The following BMPER variants were observed in gnomAD, a reference collection of about 807,000 sequenced individuals.
BMPER encodes BMP binding endothelial regulator, also known as BMP-binding endothelial regulator protein.
A neutral mutation model predicts 87.3 loss-of-function variants in BMPER; 45 were observed. The observed-to-expected ratio is 0.52, with a 90% confidence interval of 0.41 to 0.66. BMPER has a LOEUF of 0.66. BMPER is among the 30% of genes least tolerant of loss of function. BMPER has a pLI of 0.00. For synonymous variants in BMPER, 326 were observed against 316.2 expected (o/e 1.03, Z -0.33); for missense variants, 784 against 867.5 (o/e 0.90, Z 1.21).
At chr7:34,102,947 G>C (rs1789721341) in intron 13 of BMPER, among the ~76,000 whole-genome samples, 1 of 152,176 alleles carries the variant, frequency 6.6e-6, no homozygotes, top group African/African-American at 2.4e-5. Context: ...GAGGTGCCCT[G>C]TAAGCTGAGA....
chr7:34,074,139 G>A (rs1357217983), intron 11 of BMPER, among the ~76,000 whole-genome samples: 1 of 152,250 alleles, frequency 6.6e-6, no homozygotes, highest in African/African-American at 2.4e-5. Flanking sequence ...ATTTAACAAT[G>A]TACCTACACA....
At chr7:33,999,679 A>G (rs546391764) in intron 6 of BMPER, among the ~76,000 whole-genome samples, 1 of 152,322 alleles carries the variant, frequency 6.6e-6, no homozygotes, top group Non-Finnish European at 1.5e-5. Flanking sequence ...TTGGCTGCTC[A>G]GTTTCTGACC....
chr7:33,937,550 G>A (rs1585655089), intron 3 of BMPER, 162 bp downstream of exon 3: 6 of 568,636 alleles, frequency 1.1e-5, no homozygotes, highest in South Asian at 2.2e-5. Context: ...GTGTGTGTTT[G>A]TGTGTATGTG....
intron 14 of BMPER, among the ~76,000 whole-genome samples, chr7:34,148,791 A>G (rs375127064): frequency 6.6e-6 from 1 of 152,164 alleles, no homozygotes; most frequent in Non-Finnish European, 1.5e-5. Context: ...ATAGCTATAG[A>G]ATAGTCAGGG....
intron 12 of BMPER, among the ~76,000 whole-genome samples, chr7:34,081,119 AT>A (rs1189436023): frequency 6.6e-6 from 1 of 152,180 alleles, no homozygotes; most frequent in Non-Finnish European, 1.5e-5. Context: ...GAAGAATTCT[AT>A]TCCTCTGGGC....
At chr7:33,955,652 A>G (rs1398135553) in intron 3 of BMPER, among the ~76,000 whole-genome samples, 1 of 152,220 alleles carries the variant, frequency 6.6e-6, no homozygotes, top group East Asian at 1.9e-4. Context: ...ATTTCCATAT[A>G]AGTAATTTTT....
intron 13 of BMPER, among the ~76,000 whole-genome samples, chr7:34,109,371 C>T (rs1789903325): frequency 6.6e-6 from 1 of 152,214 alleles, no homozygotes; most frequent in Non-Finnish European, 1.5e-5. Context: ...ACCTGCTTTA[C>T]TCAGTCTACC....
intron 3 of BMPER, among the ~76,000 whole-genome samples, chr7:33,958,406 T>A (rs769953183): frequency 6.6e-6 from 1 of 152,228 alleles, no homozygotes; most frequent in Non-Finnish European, 1.5e-5. Context: ...GCATAGTTGG[T>A]AGCCAAATGT....
chr7:33,967,355 A>G (rs1372252842), intron 4 of BMPER, among the ~76,000 whole-genome samples: 7 of 152,250 alleles, frequency 4.6e-5, no homozygotes, highest in African/African-American at 1.7e-4. Context: ...TTTTGCATTT[A>G]AAGGAAATTG....
intron 13 of BMPER, among the ~76,000 whole-genome samples, chr7:34,119,326 T>C (rs1333607644): frequency 6.6e-6 from 1 of 151,982 alleles, no homozygotes; most frequent in Non-Finnish European, 1.5e-5. Flanking sequence ...AACACCAACA[T>C]TTTTTTTACA....
intron 2 of BMPER, among the ~76,000 whole-genome samples, chr7:33,923,330 C>G (rs564770293): frequency 6.6e-6 from 1 of 152,196 alleles, no homozygotes; most frequent in Admixed American, 6.5e-5. Context: ...CACACACACC[C>G]GTCTGTAATA....
chr7:34,074,975 G>T (rs1270449536), intron 11 of BMPER, among the ~76,000 whole-genome samples: 1 of 151,936 alleles, frequency 6.6e-6, no homozygotes, highest in Non-Finnish European at 1.5e-5. Context: ...GTTGTGTTTG[G>T]GGGGAGTAGG....
chr7:34,011,578 C>T (rs1409198096), intron 6 of BMPER, among the ~76,000 whole-genome samples: 1 of 67,430 alleles, frequency 1.5e-5, no homozygotes, highest in Non-Finnish European at 2.6e-5. Context: ...TTCAGTTGGT[C>T]AGGGCAAAAA....
chr7:33,957,149 T>C (rs1452808073), intron 3 of BMPER, among the ~76,000 whole-genome samples: 5 of 152,014 alleles, frequency 3.3e-5, no homozygotes, highest in African/African-American at 4.8e-5. Context: ...GATGAATAAA[T>C]GTTCATCACA....
chr7:34,099,360 T>C lies in BMPER; in HGVS notation c.1745+13268T>C, dbSNP rs190049540. Among the ~76,000 whole-genome samples the C allele has an allele frequency of 7.5e-4, 115 of 152,374 alleles. 1 individual carries two copies. The highest frequency in any genetic ancestry group is 1.5e-3 in the Admixed American group (23 of 15,302). On this transcript the variant is annotated intron_variant, in intron 13 of 14. Transcript: ENST00000649409. ...CAAATTTTCTGTGTTTTCTAAACTA[T>C]GCTAAAACACCAGGAATTTGCAAAT... is the stretch of plus-strand genomic sequence containing the variant.
Position 33,905,549 on chromosome 7 carries a change from T to C in BMPER, c.-65T>C. 1 of 1,593,438 alleles carries C rather than the reference T, an allele frequency of 6.3e-7. No individual in the cohort carries two copies. ...CTGAGAGCCCTTTTCGACTGTGAGC[T>C]GCGGCAGCTGAGCAGAGGCGGCGGC... On this transcript the variant is annotated 5_prime_UTR_variant, in exon 1 of 15. Coordinates refer to ENST00000649409, the MANE Select transcript of BMPER (RefSeq NM_001365308.1).
rs148782195 is a variant in BMPER at position 33,958,463 on chromosome 7, C to G, written c.320-8016C>G. ...CAAACATAAATCCTCAACATCAGCT[C>G]TTACCACTCCAGCCACAAAATCTGC... On this transcript the variant is annotated intron_variant, in intron 3 of 14. Coordinates refer to ENST00000649409, the MANE Select transcript of BMPER (RefSeq NM_001365308.1). Among the ~76,000 whole-genome samples the G allele has an allele frequency of 1.0e-2, 1,517 of 152,320 alleles. 10 individuals carry two copies. Among genetic ancestry groups the G allele is most frequent in the Non-Finnish European group, 0.015 (1,029 of 68,022 alleles).
chr7:34,026,530 A>G (rs1585750527), intron 6 of BMPER, among the ~76,000 whole-genome samples: 3 of 152,200 alleles, frequency 2.0e-5, no homozygotes, highest in Admixed American at 2.0e-4. Flanking sequence ...GTTACTTAAA[A>G]CAATGACCAT....
At chr7:33,992,794 CT>C (rs1562675424) in intron 6 of BMPER, among the ~76,000 whole-genome samples, 1 of 140,532 alleles carries the variant, frequency 7.1e-6, no homozygotes, top group East Asian at 2.2e-4. Context: ...CCTTCAGGAG[CT>C]CTTTTAGGGC....
Sources: gnomAD v4.1 joint callset for allele counts (sites outside exome capture counted in the v4.1 genomes callset) on GRCh38, gnomAD v4.1.1 for gene constraint, MANE v1.5 for transcripts, NCBI Gene and HGNC (gene_info 2026-07-23, HGNC 2026-07-21) for gene names.